Variants in CLDN14 observed in about 807,000 individuals in gnomAD.
The protein encoded by CLDN14 is claudin 14.
CLDN14 carries 2 observed loss-of-function variants against 2.1 expected under a neutral mutation model. The observed-to-expected ratio is 0.96, with a 90% CI of 0.39 to 3.01. The LOEUF is 3.01. Ranked by LOEUF, CLDN14 falls within the 30% of genes most tolerant of loss-of-function variation. The pLI is 0.09. For missense variants in CLDN14, 298 were observed against 328.0 expected (o/e 0.91, Z 0.71); for synonymous variants, 136 against 154.4 (o/e 0.88, Z 0.88).
In CLDN14 at chr21:36,574,781, C is replaced by T. The variant is rs144183935; in HGVS notation, c.-220+1630G>A. 2.7e-3 allele frequency among the ~76,000 whole-genome samples: 414 copies of T among 151,978 alleles called. 3 individuals are homozygous for T. Among genetic ancestry groups the T allele is most frequent in the Middle Eastern group, 6.8e-3 (2 of 294 alleles). ...GAAATGTGGTAGAATAATTTCCCAC[C>T]ACAGAGAACCATCTTTTCCATTTAT... is the stretch of plus-strand genomic sequence containing the variant. On this transcript the variant is annotated intron_variant, in intron 1 of 2. Coordinates refer to the CLDN14 transcript ENST00000342108.
chr21:36,518,714 T>C (rs1295548723), intron 1 of CLDN14, among the ~76,000 whole-genome samples: 1 of 152,164 alleles, frequency 6.6e-6, no homozygotes, highest in Non-Finnish European at 1.5e-5. Context: ...AGTGACCCAT[T>C]TGGAAGATGC....
intron 1 of CLDN14, among the ~76,000 whole-genome samples, chr21:36,478,861 G>C (rs556159121): frequency 6.6e-6 from 1 of 152,178 alleles, no homozygotes; most frequent in Admixed American, 6.5e-5. Flanking sequence ...CGTGGCAGCT[G>C]TTGGGGATGT....
intron 2 of CLDN14, among the ~76,000 whole-genome samples, chr21:36,491,599 A>G (rs139085673): frequency 0.015 from 2,232 of 152,336 alleles, 27 homozygotes; most frequent in Non-Finnish European, 0.025. Context: ...AATAAAAACC[A>G]TCTGCCTGAA....
intron 1 of CLDN14, among the ~76,000 whole-genome samples, chr21:36,574,691 T>C (rs1302550214): frequency 1.3e-5 from 2 of 152,366 alleles, no homozygotes; most frequent in East Asian, 3.9e-4. Flanking sequence ...AGCTGTGTAT[T>C]TTATTTATGT....
chr21:36,460,761 A>ATTT lies in CLDN14; in HGVS notation c.*212_*214dup. Reference sequence around the variant, plus strand: ...TATAATAAATACAAAAACAGACAGGATTTTTTTTTTCAGTCTTTGGTATAG... The same window carrying ATTT: ...TATAATAAATACAAAAACAGACAGGATTTTTTTTTTTTTCAGTCTTTGGTATAG... On this transcript the variant is annotated 3_prime_UTR_variant, in exon 2 of 2. Transcript: ENST00000399135. The surrounding 1 kb of genome is among the most constrained non-coding windows in gnomAD (Gnocchi z 4.0). 1.9e-6 allele frequency: 1 copy of ATTT among 530,194 alleles called. No individual in the cohort carries two copies. Among genetic ancestry groups the ATTT allele is most frequent in the African/African-American group, 1.9e-5 (1 of 52,102 alleles). The allele number at this position is 530,194 out of a possible 1,614,324, so 32.8% of individuals were successfully genotyped here.
rs1246372715 is a variant in CLDN14, at chr21:36,499,094, T to C, written c.-82+11269A>G. On this transcript the variant is annotated intron_variant, in intron 2 of 2. Transcript: ENST00000342108. The surrounding 1 kb of genome is among the most constrained non-coding windows in gnomAD (Gnocchi z 4.7). ...TGGGGTTGCATCTTAGGAAATTTCA[T>C]TGAAGGAGGAGTAGAGAGATGATAT... 5.9e-5 allele frequency among the ~76,000 whole-genome samples: 9 copies of C among 152,152 alleles called. No homozygotes were observed. Among genetic ancestry groups the C allele is most frequent in the Admixed American group, 1.3e-4 (2 of 15,280 alleles).
rs763846537 is a variant in CLDN14 at position 36,461,174 on chromosome 21, C to T, written c.522G>A (p.Ser174=). The T allele has an allele frequency of 4.0e-5, 64 of 1,613,718 alleles. No individual in the cohort carries two copies. Among genetic ancestry groups the T allele is most frequent in the East Asian group, 4.5e-5 (2 of 44,870 alleles). ...LYLGFISSSL[S]LIGGTLLCLS... ...GGCAAAGCAGGGTGCCACCAATGAG[C>T]GAGAGGGACGAGGAGATGAAGCCCA... The change falls in exon 2 of 2, where the codon TCG becomes TCA. Residue 174 remains serine (S), a synonymous_variant. Coordinates refer to ENST00000399135, the MANE Select transcript of CLDN14 (RefSeq NM_001146079.2).
chr21:36,489,301 G>A (rs1249784097), intron 2 of CLDN14, among the ~76,000 whole-genome samples: 1 of 151,668 alleles, frequency 6.6e-6, no homozygotes, highest in African/African-American at 2.4e-5. Flanking sequence ...CTGTCCACTT[G>A]TTTAGGAGTA....
intron 1 of CLDN14, among the ~76,000 whole-genome samples, chr21:36,465,854 G>GT (rs1332346350): frequency 6.6e-6 from 1 of 152,240 alleles, no homozygotes; most frequent in Non-Finnish European, 1.5e-5. Context: ...GACAGGCTGA[G>GT]TAGTGGTGGG....
At chr21:36,540,394 T>G (rs967048700) in intron 1 of CLDN14, among the ~76,000 whole-genome samples, 1 of 152,210 alleles carries the variant, frequency 6.6e-6, no homozygotes, top group Non-Finnish European at 1.5e-5. Flanking sequence ...TTTCCAAATA[T>G]TTTTGATTCA....
chr21:36,504,663 T>C (rs1248352808), intron 2 of CLDN14, among the ~76,000 whole-genome samples: 2 of 152,212 alleles, frequency 1.3e-5, no homozygotes, highest in Non-Finnish European at 2.9e-5. Flanking sequence ...AGAAAACAAT[T>C]GCTTCCCTTT....
chr21:36,513,628 G>A (rs2087201971), intron 1 of CLDN14, among the ~76,000 whole-genome samples: 1 of 152,200 alleles, frequency 6.6e-6, no homozygotes, highest in Non-Finnish European at 1.5e-5. Context: ...AGTCCTCAGG[G>A]ACATGCCCTC....
At chr21:36,553,461 C>T (rs138358915) in intron 1 of CLDN14, among the ~76,000 whole-genome samples, 38 of 152,154 alleles carry the variant, frequency 2.5e-4, no homozygotes, top group African/African-American at 6.3e-4. Context: ...GGTGACTGTC[C>T]CTTTGATGCC....
At chr21:36,572,895 A>G (rs2087718778) in intron 1 of CLDN14, among the ~76,000 whole-genome samples, 1 of 152,218 alleles carries the variant, frequency 6.6e-6, no homozygotes, top group Non-Finnish European at 1.5e-5. Context: ...ACTATTTCCA[A>G]TCTTGCGCTT....
At chr21:36,569,105 T>A (rs1432988306) in intron 1 of CLDN14, among the ~76,000 whole-genome samples, 1 of 152,224 alleles carries the variant, frequency 6.6e-6, no homozygotes, top group African/African-American at 2.4e-5. Flanking sequence ...ATGAAGTCAA[T>A]GTCTTACTCT....
chr21:36,552,272 G>T (rs1358872709), intron 1 of CLDN14, among the ~76,000 whole-genome samples: 1 of 152,194 alleles, frequency 6.6e-6, no homozygotes, highest in African/African-American at 2.4e-5. Flanking sequence ...TAAAAAAATG[G>T]AAATAAAATG....
intron 1 of CLDN14, among the ~76,000 whole-genome samples, 162 bp from the exon 2 acceptor site, chr21:36,461,938 A>C (rs989155843): frequency 6.6e-6 from 1 of 152,158 alleles, no homozygotes; most frequent in Admixed American, 6.5e-5. Context: ...TGGGTGGGAG[A>C]GTAACTGCTT....
chr21:36,461,349 G>T lies in CLDN14; in HGVS notation c.347C>A (p.Thr116Asn), dbSNP rs370342285. Reference protein sequence around the residue: ...RCAKGTPAKTTFAILGGTLFI... With the variant: ...RCAKGTPAKTNFAILGGTLFI... Reference sequence around the variant, plus strand: ...GAGGGTGCCGCCGAGGATGGCAAAGGTGGTCTTGGCGGGTGTGCCCTTGGC... The same window carrying T: ...GAGGGTGCCGCCGAGGATGGCAAAGTTGGTCTTGGCGGGTGTGCCCTTGGC... Residue 116 changes from threonine to asparagine, a missense_variant, in exon 2 of 2, where the codon ACC (threonine) becomes AAC (asparagine). Transcript: ENST00000399135. 6.2e-7 allele frequency: 1 copy of T among 1,613,562 alleles called. No homozygotes were observed. The highest frequency in any genetic ancestry group is 8.5e-7 in the Non-Finnish European group (1 of 1,179,956).
chr21:36,562,648 G>A (rs908054985), intron 1 of CLDN14, among the ~76,000 whole-genome samples: 13 of 150,030 alleles, frequency 8.7e-5, no homozygotes, highest in East Asian at 5.9e-4. Flanking sequence ...AAAGAAATGC[G>A]TTCACCCTTA....
Sources: allele counts gnomAD v4.1 joint callset (sites outside exome capture counted in the v4.1 genomes callset), GRCh38; gene constraint gnomAD v4.1.1; non-coding constraint Gnocchi (gnomAD v3.1); transcripts MANE v1.5; gene names NCBI Gene and HGNC (gene_info 2026-07-23, HGNC 2026-07-21).